INPP4B: variants seen among roughly 807,000 people sequenced by gnomAD.
The protein encoded by INPP4B is inositol polyphosphate-4-phosphatase type II B.
INPP4B carries 55 observed loss-of-function variants against 122.5 expected under a neutral mutation model. The observed-to-expected ratio is 0.45, with a 90% confidence interval of 0.36 to 0.56. The LOEUF is 0.56. Among genes scored for constraint, INPP4B ranks in the 20% least tolerant of loss-of-function variants. INPP4B has a pLI of 0.00. For synonymous variants in INPP4B, 403 were observed against 388.7 expected (o/e 1.04, Z -0.43); for missense variants, 1,000 against 1,097.7 (o/e 0.91, Z 1.26).
rs75721413 is a variant in INPP4B at position 142,383,766 on chromosome 4, A to G, written c.372+19172T>C. 1,912 of 315,074 alleles carry G rather than the reference A, an allele frequency of 6.1e-3. 36 individuals carry two copies. The highest frequency in any genetic ancestry group is 0.038 in the African/African-American group (1,776 of 47,026). 19.5% of individuals were successfully genotyped at this position (315,074 alleles called of 1,614,324 possible). A position where few individuals can be genotyped will look rare whatever the true frequency, so the allele number is the denominator to read the frequency against. On this transcript the variant is annotated intron_variant, in intron 7 of 25. Transcript: ENST00000262992. The stretch of plus-strand genomic sequence containing the variant: ...TCAAGGATAATCATTAATATTCACA[A>G]CAGTGGTTGCACAGGCAGGAGGGAA...
chr4:142,803,321 T>A (rs1778260981), intron 1 of INPP4B, among the ~76,000 whole-genome samples: 1 of 152,014 alleles, frequency 6.6e-6, no homozygotes, highest in East Asian at 1.9e-4. Context: ...TTTAAGAATA[T>A]ATTCATTTAA....
At chr4:142,607,007 C>A (rs1741407774) in intron 2 of INPP4B, among the ~76,000 whole-genome samples, 2 of 151,718 alleles carry the variant, frequency 1.3e-5, no homozygotes, top group Admixed American at 1.3e-4. Context: ...ATAAATAAAT[C>A]TATATAACAT....
intron 3 of INPP4B, among the ~76,000 whole-genome samples, chr4:142,438,643 C>A (rs1306029453): frequency 6.6e-6 from 1 of 152,068 alleles, no homozygotes; most frequent in African/African-American, 2.4e-5. Context: ...TAGGCATGGG[C>A]AAAGATTTTA....
chr4:142,332,272 G>C (rs372197320), intron 7 of INPP4B, among the ~76,000 whole-genome samples: 1 of 152,048 alleles, frequency 6.6e-6, no homozygotes, highest in African/African-American at 2.4e-5. Flanking sequence ...ACTATAATGA[G>C]ACCCTTTATT....
intron 2 of INPP4B, chr4:142,654,367 T>TTAAAAAAAAA (rs766012808): frequency 3.0e-5 from 3 of 100,984 alleles, no homozygotes; most frequent in Admixed American, 2.4e-4. Context: ...ACTTAAAGTA[T>TTAAAAAAAAA]AAAAAAAAAA....
chr4:142,324,012 T>C (rs1771351900), intron 7 of INPP4B, among the ~76,000 whole-genome samples: 1 of 152,156 alleles, frequency 6.6e-6, no homozygotes, highest in African/African-American at 2.4e-5. Context: ...TTATTTGAGA[T>C]AGGGCCTTTA....
chr4:142,562,847 T>C (rs1221637075), intron 2 of INPP4B, among the ~76,000 whole-genome samples: 1 of 151,754 alleles, frequency 6.6e-6, no homozygotes, highest in East Asian at 1.9e-4. Context: ...GATATTGCTA[T>C]TTTTTTTTCT....
chr4:142,192,354 A>AAAAAAAAAAG (rs148371542), intron 15 of INPP4B, among the ~76,000 whole-genome samples: 35,041 of 71,998 alleles, frequency 0.49, 13,520 homozygotes, highest in South Asian at 0.68. Context: ...AAAAAAAAAA[A>AAAAAAAAAAG]TGGGATTCTT....
chr4:142,297,114 CT>C (rs1759077613), intron 9 of INPP4B, among the ~76,000 whole-genome samples: 1 of 152,174 alleles, frequency 6.6e-6, no homozygotes, highest in Non-Finnish European at 1.5e-5. Context: ...TGATTTCAAC[CT>C]TTTATTGCTA....
At chr4:142,498,197 G>A (rs10018890) in intron 2 of INPP4B, among the ~76,000 whole-genome samples, 8,400 of 148,838 alleles carry the variant, frequency 0.056, 558 homozygotes, top group African/African-American at 0.15. Flanking sequence ...ATGTGTGTGC[G>A]TGTGTGTATA....
intron 2 of INPP4B, among the ~76,000 whole-genome samples, chr4:142,716,373 C>T (rs557887764): frequency 5.3e-5 from 8 of 152,288 alleles, no homozygotes; most frequent in African/African-American, 1.9e-4. Flanking sequence ...ATTCAGTGAC[C>T]CAAATGATAC....
intron 15 of INPP4B, among the ~76,000 whole-genome samples, chr4:142,175,368 T>C (rs942513484): frequency 1.3e-5 from 2 of 152,084 alleles, no homozygotes; most frequent in African/African-American, 4.8e-5. Flanking sequence ...ACAATTTTTT[T>C]TTTGCAAACA....
chr4:142,304,406 C>A (rs752091588), intron 9 of INPP4B, among the ~76,000 whole-genome samples: 1 of 151,906 alleles, frequency 6.6e-6, no homozygotes, highest in African/African-American at 2.4e-5. Flanking sequence ...GAAGCTAGAG[C>A]GGATGGCAGC....
intron 3 of INPP4B, among the ~76,000 whole-genome samples, chr4:142,457,043 G>C (rs1014229602): frequency 6.6e-6 from 1 of 151,648 alleles, no homozygotes; most frequent in South Asian, 2.1e-4. Flanking sequence ...CAATACAATG[G>C]ATAGAAAAAA....
rs75022305 is a variant in INPP4B at position 142,483,558 on chromosome 4, C to T, written c.-190-20832G>A. Among the ~76,000 whole-genome samples, 387 of 152,002 alleles carry T rather than the reference C, an allele frequency of 2.5e-3. 1 individual carries two copies. Among genetic ancestry groups the T allele is most frequent in the Non-Finnish European group, 4.0e-3 (273 of 67,938 alleles). On this transcript the variant is annotated intron_variant, in intron 2 of 25. Transcript: ENST00000262992. ...CTTGAAATTGTGTGCTTTATGGATG[C>T]ATGTAGAGCCTGTGTACATATTTTA...
intron 9 of INPP4B, among the ~76,000 whole-genome samples, chr4:142,277,277 C>A (rs1748967362): frequency 8.4e-6 from 1 of 119,728 alleles, no homozygotes; most frequent in African/African-American, 2.8e-5. Flanking sequence ...TTCTCCCACT[C>A]TATGGGTTGT....
chr4:142,465,335 G>C (rs1817572713), intron 2 of INPP4B, among the ~76,000 whole-genome samples: 1 of 152,030 alleles, frequency 6.6e-6, no homozygotes, highest in South Asian at 2.1e-4. Flanking sequence ...GAAGTGTATA[G>C]TCACCTTAAA....
At chr4:142,811,132 T>C (rs1779469164) in intron 1 of INPP4B, among the ~76,000 whole-genome samples, 1 of 152,236 alleles carries the variant, frequency 6.6e-6, no homozygotes, top group Non-Finnish European at 1.5e-5. Context: ...CAGTAGAGGC[T>C]GAGATTGGGG....
At position 142,024,771 on chromosome 4, in the gene INPP4B, G is replaced by A. The variant is rs1027508586; in HGVS notation, c.*4011C>T. 1 of 152,038 alleles carries A rather than the reference G, an allele frequency of 6.6e-6. No individual in the cohort carries two copies. The highest frequency in any genetic ancestry group is 2.4e-5 in the African/African-American group (1 of 41,392). The allele number at this position is 152,038 out of a possible 1,614,324, so 9.4% of individuals were successfully genotyped here. On this transcript the variant is annotated 3_prime_UTR_variant, in exon 26 of 26. Transcript: ENST00000262992. ...CAAAATTATAAACTCCAAAATAGAT[G>A]GTGAAGTACATTTTTAGTGATATCT...
Sources: allele counts gnomAD v4.1 joint callset (sites outside exome capture counted in the v4.1 genomes callset), GRCh38; gene constraint gnomAD v4.1.1; transcripts MANE v1.5; gene names NCBI Gene and HGNC (gene_info 2026-07-23, HGNC 2026-07-21).